Variants in RIMKLB observed in about 807,000 individuals in gnomAD.
RIMKLB encodes the protein beta-citrylglutamate synthase B.
RIMKLB carries 7 observed loss-of-function variants against 32.0 expected under a neutral mutation model. That is an observed-to-expected ratio of 0.22 (90% CI 0.12 to 0.41). The LOEUF (loss-of-function observed/expected upper bound fraction) is 0.41. RIMKLB is among the 10% of genes least tolerant of loss of function. The probability of loss-of-function intolerance (pLI) is 1.00; values close to 1 mark genes in which losing one functional copy is unlikely to be tolerated. For synonymous variants in RIMKLB, 172 were observed against 185.1 expected, an observed-to-expected ratio of 0.93 and a Z score of 0.57; for missense variants, 289 against 498.7, an observed-to-expected ratio of 0.58 and a Z score of 4.00.
chr12:8,742,703 G>GCTACCACCACTGGAGCCA (rs1368295880), intron 2 of RIMKLB: 2 of 223,004 alleles, frequency 9.0e-6, no homozygotes, highest in Non-Finnish European at 1.8e-5. Flanking sequence ...GCTGAAGTTT[G>GCTACCACCACTGGAGCCA]CTACCACCAC....
At chr12:8,735,246 T>A (rs1346167995) in intron 2 of RIMKLB, among the ~76,000 whole-genome samples, 2 of 152,176 alleles carry the variant, frequency 1.3e-5, no homozygotes, top group Non-Finnish European at 2.9e-5. Flanking sequence ...TTTTTTCTTT[T>A]TTACATGGAT....
At chr12:8,742,871 T>C (rs1947695518) in intron 2 of RIMKLB, 1 of 182,710 alleles carries the variant, frequency 5.5e-6, no homozygotes, top group Non-Finnish European at 1.1e-5. Flanking sequence ...ACCATTACTC[T>C]GTGTAACAGA....
chr12:8,727,905 A>G lies in RIMKLB; in HGVS notation c.175+13864A>G, dbSNP rs764581942. ...AACGGAGTGAGACATTGTCTCAAAA[A>G]AAAAAAAAAATCTAGTATTTTTGAA... On this transcript the variant is annotated intron_variant, in intron 2 of 5. Transcript: ENST00000535829. 8.2e-4 allele frequency among the ~76,000 whole-genome samples: 125 copies of G among 152,004 alleles called. 1 individual carries two copies. Among genetic ancestry groups the G allele is most frequent in the Non-Finnish European group, 1.3e-3 (85 of 67,954 alleles).
chr12:8,776,427 T>A lies in RIMKLB; in HGVS notation c.*2643T>A. The A allele has an allele frequency of 1.1e-6, 1 of 927,124 alleles. No homozygotes were observed. The highest frequency in any genetic ancestry group is 1.3e-6 in the Non-Finnish European group (1 of 776,856). The allele number at this position is 927,124 out of a possible 1,614,324, so 57.4% of individuals were successfully genotyped here. On this transcript the variant is annotated 3_prime_UTR_variant, in exon 6 of 6. Coordinates refer to ENST00000535829, the MANE Select transcript of RIMKLB (RefSeq NM_001297776.2). The stretch of plus-strand genomic sequence containing the variant: ...CAGCAGATATTTAGGTTAAACTTAT[T>A]TTCATAATTGTTTAATAACTTTTGT...
chr12:8,729,698 C>T (rs1053888515), intron 2 of RIMKLB, among the ~76,000 whole-genome samples: 1 of 152,160 alleles, frequency 6.6e-6, no homozygotes, highest in Non-Finnish European at 1.5e-5. Context: ...AATTTCCCTG[C>T]CTCCTGTCCC....
At chr12:8,712,870 A>G (rs1400131723) in intron 1 of RIMKLB, among the ~76,000 whole-genome samples, 1 of 152,126 alleles carries the variant, frequency 6.6e-6, no homozygotes, top group Non-Finnish European at 1.5e-5. Context: ...TAGATGTGCC[A>G]TGTTATCTGG....
chr12:8,781,841 TTCAATTAAATTTATAGAATGTAAATG>T (rs746300981), downstream of RIMKLB, among the ~76,000 whole-genome samples: 101 of 152,178 alleles, frequency 6.6e-4, 1 homozygote, highest in Admixed American at 2.2e-3. Flanking sequence ...GAATGTAAAT[TTCAATTAAATTTATAGAATGTAAATG>T]TCAATTAAAT....
At chr12:8,685,068 T>A (rs1412358864) in intron 1 of RIMKLB, among the ~76,000 whole-genome samples, 3 of 152,252 alleles carry the variant, frequency 2.0e-5, no homozygotes, top group Non-Finnish European at 4.4e-5. Context: ...ATTTTTTATA[T>A]AGGCAATCAT....
At position 8,774,281 on chromosome 12, in the gene RIMKLB, G is replaced by A. The variant is rs1461257099; in HGVS notation, c.*497G>A. The A allele has an allele frequency of 1.0e-6, 1 of 983,360 alleles. No homozygotes were observed. Among genetic ancestry groups the A allele is most frequent in the African/African-American group, 1.7e-5 (1 of 57,284 alleles). 60.9% of individuals were successfully genotyped at this position (983,360 alleles called of 1,614,324 possible). ...ATTTCCTTATTAACTAGCAGCTTTA[G>A]TTTGTAGTTTATGAAATCTTGAGGG... On this transcript the variant is annotated 3_prime_UTR_variant, in exon 6 of 6. Coordinates refer to ENST00000535829, the MANE Select transcript of RIMKLB (RefSeq NM_001297776.2).
At chr12:8,772,456 T>C (rs1297150997) in intron 5 of RIMKLB, among the ~76,000 whole-genome samples, 1 of 152,266 alleles carries the variant, frequency 6.6e-6, no homozygotes, top group African/African-American at 2.4e-5. Context: ...CTTGGGTTAT[T>C]TGTAGTATTC....
chr12:8,736,942 G>A (rs943058392), intron 2 of RIMKLB, among the ~76,000 whole-genome samples: 1 of 152,078 alleles, frequency 6.6e-6, no homozygotes, highest in African/African-American at 2.4e-5. Context: ...CTCTCAAGTA[G>A]CTGGGATTAC....
chr12:8,672,107 C>A, the RIMKLB span, among the ~76,000 whole-genome samples: 1 of 152,200 alleles, frequency 6.6e-6, no homozygotes, highest in Non-Finnish European at 1.5e-5. Flanking sequence ...ACAAGAGTTA[C>A]CTTTGCTCCA....
chr12:8,671,159 C>G, the RIMKLB span, among the ~76,000 whole-genome samples: 2 of 152,138 alleles, frequency 1.3e-5, no homozygotes, highest in Non-Finnish European at 2.9e-5. Context: ...AGACATTTTC[C>G]CCATGGTCTT....
intron 5 of RIMKLB, among the ~76,000 whole-genome samples, chr12:8,766,791 G>A (rs773621512): frequency 3.3e-5 from 5 of 152,206 alleles, no homozygotes; most frequent in Non-Finnish European, 7.3e-5. Context: ...TAGGTTAAGG[G>A]AATTTTCAGT....
At position 8,776,027 on chromosome 12, in the gene RIMKLB, T is replaced by C. The variant is rs747828458; in HGVS notation, c.*2243T>C. The C allele has an allele frequency of 1.0e-6, 1 of 984,176 alleles. No homozygotes were observed. Among genetic ancestry groups the C allele is most frequent in the South Asian group, 4.7e-5 (1 of 21,270 alleles). 61.0% of individuals were successfully genotyped at this position (984,176 alleles called of 1,614,324 possible). ...AAGAAAGAACTGCTTAATTAAATTA[T>C]CATTCATATGTTCATATAGAGACCA... On this transcript the variant is annotated 3_prime_UTR_variant, in exon 6 of 6. Transcript: ENST00000535829.
chr12:8,691,401 G>C (rs1274917653), intron 1 of RIMKLB, among the ~76,000 whole-genome samples: 1 of 152,000 alleles, frequency 6.6e-6, no homozygotes, highest in African/African-American at 2.4e-5. Flanking sequence ...CTGAGGTCAG[G>C]AGTTCAAGAC....
intron 1 of RIMKLB, among the ~76,000 whole-genome samples, chr12:8,683,034 C>T (rs1942461750): frequency 6.6e-6 from 1 of 152,140 alleles, no homozygotes; most frequent in African/African-American, 2.4e-5. Flanking sequence ...AGATTGACTT[C>T]TTCCACTTAG....
At chr12:8,725,563 G>A (rs1035923047) in intron 2 of RIMKLB, among the ~76,000 whole-genome samples, 3 of 152,124 alleles carry the variant, frequency 2.0e-5, no homozygotes, top group Non-Finnish European at 1.5e-5. Context: ...GTCTGCCCCG[G>A]CCCCTTTGCA....
At chr12:8,734,308 C>T (rs1332295040) in intron 2 of RIMKLB, among the ~76,000 whole-genome samples, 1 of 152,138 alleles carries the variant, frequency 6.6e-6, no homozygotes, top group Non-Finnish European at 1.5e-5. Flanking sequence ...CAAAGCTGTT[C>T]ATGGGAGACA....
Sources: gnomAD v4.1 joint callset for allele counts (sites outside exome capture counted in the v4.1 genomes callset) on GRCh38, gnomAD v4.1.1 for gene constraint, MANE v1.5 for transcripts, NCBI Gene and HGNC (gene_info 2026-07-23, HGNC 2026-07-21) for gene names.